Variants in HIVEP1 observed in about 807,000 individuals in gnomAD.
HIVEP1 encodes zinc finger protein 40.
In HIVEP1, 36 loss-of-function variants were observed where a neutral mutation model predicts 180.0. The ratio of observed to expected loss-of-function variants is 0.20; its 90% CI spans 0.15 to 0.26. The LOEUF is 0.26. HIVEP1 is among the 10% of genes least tolerant of loss of function. HIVEP1 has a pLI of 1.00. For missense variants in HIVEP1, 3,143 were observed against 3,268.7 expected (o/e 0.96, Z 0.94); for synonymous variants, 1,239 against 1,239.0 (o/e 1.00, Z 0.00).
intron 2 of HIVEP1, among the ~76,000 whole-genome samples, chr6:12,027,926 G>A (rs1235005908): frequency 1.3e-5 from 2 of 152,188 alleles, no homozygotes; most frequent in Non-Finnish European, 2.9e-5. Flanking sequence ...ATGAGAGTAA[G>A]TAAATGATAT....
intron 2 of HIVEP1, among the ~76,000 whole-genome samples, chr6:12,022,502 G>A (rs1768306307): frequency 1.3e-5 from 2 of 152,114 alleles, no homozygotes. Flanking sequence ...TATCCATTTG[G>A]TACATTTAAT....
chr6:12,168,068 T>TGTGTATATATAATATATAC (rs1554161458), downstream of HIVEP1, among the ~76,000 whole-genome samples: 3 of 15,646 alleles, frequency 1.9e-4, 1 homozygote, highest in Non-Finnish European at 3.3e-4. Context: ...TATATACATA[T>TGTGTATATATAATATATAC]ATATGTGTAT....
At chr6:12,169,004 C>T (rs1334707969), downstream of HIVEP1, among the ~76,000 whole-genome samples, 1 of 152,118 alleles carries the variant, frequency 6.6e-6, no homozygotes, top group Middle Eastern at 3.2e-3. Flanking sequence ...TCTCCTGCCT[C>T]AACCACCCGA....
intron 7 of HIVEP1, among the ~76,000 whole-genome samples, chr6:12,142,157 A>G (rs1239128532): frequency 2.1e-5 from 3 of 144,536 alleles, no homozygotes; most frequent in African/African-American, 7.5e-5. Context: ...CAGCAAATGT[A>G]AAAGAACAGA....
the HIVEP1 span, among the ~76,000 whole-genome samples, chr6:12,184,724 A>G: frequency 6.6e-6 from 1 of 152,200 alleles, no homozygotes; most frequent in Non-Finnish European, 1.5e-5. Flanking sequence ...AAATCACTTC[A>G]TATCATACAT....
the HIVEP1 span, among the ~76,000 whole-genome samples, chr6:12,205,540 C>T: frequency 1.3e-5 from 2 of 151,958 alleles, no homozygotes; most frequent in African/African-American, 2.4e-5. Context: ...GTTAAGTCCT[C>T]GGGTCTTGGG....
intron 2 of HIVEP1, among the ~76,000 whole-genome samples, chr6:12,078,323 C>T (rs560830162): frequency 3.9e-5 from 6 of 151,936 alleles, no homozygotes; most frequent in Non-Finnish European, 7.4e-5. Flanking sequence ...GGTGCTGCCC[C>T]GTCTCTGTTG....
At chr6:12,094,857 A>G (rs1353464721) in intron 3 of HIVEP1, among the ~76,000 whole-genome samples, 6 of 152,030 alleles carry the variant, frequency 3.9e-5, no homozygotes, top group Non-Finnish European at 7.4e-5. Context: ...TTGATATTGG[A>G]ACTGTACCTT....
Position 12,092,998 on chromosome 6 carries a change from A to G in HIVEP1, c.94+3761A>G, listed in dbSNP as rs2113350760. 2.6e-5 allele frequency among the ~76,000 whole-genome samples: 4 copies of G among 152,304 alleles called. No individual in the cohort carries two copies. The South Asian group carries it at 8.3e-4, about 32-fold the overall frequency. ...GATGAAGTATTTGCCTTATTTGGGC[A>G]TGATCTGATCAGTTGACTTCCTGTG... On this transcript the variant is annotated intron_variant, in intron 3 of 8. Transcript: ENST00000379388.
rs370288312 is a variant in HIVEP1 at position 12,060,318 on chromosome 6, T to C, written c.41-28866T>C. Among the ~76,000 whole-genome samples, 8 of 152,368 alleles carry C rather than the reference T, an allele frequency of 5.3e-5. No individual in the cohort carries two copies. The South Asian group carries it at 6.2e-4, about 12-fold the overall frequency. ...TGTAACTAGCCATTATATTTGCTTCTTTAAATATATATCTGGGAAATAAAA... is the reference window on the plus strand; with the variant it reads ...TGTAACTAGCCATTATATTTGCTTCCTTAAATATATATCTGGGAAATAAAA... On this transcript the variant is annotated intron_variant, in intron 2 of 8. Coordinates refer to ENST00000379388, the MANE Select transcript of HIVEP1 (RefSeq NM_002114.4).
intron 2 of HIVEP1, among the ~76,000 whole-genome samples, chr6:12,034,214 T>C (rs1769135344): frequency 6.6e-6 from 1 of 152,220 alleles, no homozygotes; most frequent in African/African-American, 2.4e-5. Flanking sequence ...TGCATTTTGG[T>C]CTGAATCTTG....
chr6:12,156,964 ATTTT>A (rs979869866), intron 7 of HIVEP1, among the ~76,000 whole-genome samples: 3 of 151,596 alleles, frequency 2.0e-5, no homozygotes, highest in African/African-American at 7.3e-5. Flanking sequence ...TTATGGATTT[ATTTT>A]TTTCAGTTTC....
At chr6:12,054,819 A>G (rs1770756815) in intron 2 of HIVEP1, among the ~76,000 whole-genome samples, 1 of 152,264 alleles carries the variant, frequency 6.6e-6, no homozygotes, top group Non-Finnish European at 1.5e-5. Flanking sequence ...GCATTTGAGA[A>G]GAACCTAATT....
At chr6:12,148,386 G>A (rs894317234) in intron 7 of HIVEP1, among the ~76,000 whole-genome samples, 1 of 152,212 alleles carries the variant, frequency 6.6e-6, no homozygotes, top group African/African-American at 2.4e-5. Context: ...TGAGAAGTGA[G>A]CCACTATGTA....
At chr6:12,009,175 G>A (rs1330007705), upstream of HIVEP1, among the ~76,000 whole-genome samples, 1 of 146,246 alleles carries the variant, frequency 6.8e-6, no homozygotes, top group African/African-American at 2.4e-5. Context: ...GCGGAGGGCC[G>A]GGGCCGCGGG....
At chr6:12,094,642 AT>A (rs755279415) in intron 3 of HIVEP1, among the ~76,000 whole-genome samples, 41 of 152,088 alleles carry the variant, frequency 2.7e-4, no homozygotes, top group Middle Eastern at 3.4e-3. Context: ...CTTTAAACCA[AT>A]TTGGTCATGA....
the HIVEP1 span, among the ~76,000 whole-genome samples, chr6:12,170,552 A>G: frequency 3.9e-5 from 6 of 152,330 alleles, no homozygotes; most frequent in East Asian, 1.2e-3. Context: ...CTGGGATTTG[A>G]AGCCAGGATG....
At position 12,163,622 on chromosome 6, in the gene HIVEP1, A is replaced by C; in HGVS notation, c.7318A>C (p.Thr2440Pro). ...AVSVVHRTLG[T>P]HRNTVTEVSG... ...CAGTGTCGTTCACAGAACTTTGGGT[A>C]CTCATAGGAATACGGTCACAGAAGT... The change falls in exon 9 of 9, where the codon ACT becomes CCT. Residue 2440 changes from threonine to proline, a missense_variant. By Grantham distance (38) the Thr-to-Pro change is conservative. Coordinates refer to ENST00000379388, the MANE Select transcript of HIVEP1 (RefSeq NM_002114.4). 6.2e-7 allele frequency: 1 copy of C among 1,614,090 alleles called. No homozygotes were observed. The highest frequency in any genetic ancestry group is 8.5e-7 in the Non-Finnish European group (1 of 1,180,002).
upstream of HIVEP1, among the ~76,000 whole-genome samples, chr6:12,010,313 C>A (rs1218322638): frequency 6.6e-6 from 1 of 152,198 alleles, no homozygotes; most frequent in Non-Finnish European, 1.5e-5. Context: ...AGGCATATTT[C>A]TCCCTTTACA....
Sources: allele counts gnomAD v4.1 joint callset (sites outside exome capture counted in the v4.1 genomes callset), GRCh38; gene constraint gnomAD v4.1.1; transcripts MANE v1.5; gene names NCBI Gene and HGNC (gene_info 2026-07-23, HGNC 2026-07-21).